Variants in ABCC1 observed in about 807,000 individuals in gnomAD.
ABCC1 encodes the protein ATP binding cassette subfamily C member 1 (ABCC1 blood group).
Under a neutral mutation model 172.9 loss-of-function variants are expected in ABCC1, and 83 were observed. The observed-to-expected ratio is 0.48, with a 90% CI of 0.40 to 0.58. The LOEUF (loss-of-function observed/expected upper bound fraction) is 0.58. Ranked by LOEUF, ABCC1 falls within the 20% of genes least tolerant of loss-of-function variation. The pLI, the probability that ABCC1 is intolerant of heterozygous loss-of-function variation, is 0.00. For missense variants in ABCC1, 1,817 were observed against 2,002.7 expected (o/e 0.91, Z 1.77); for synonymous variants, 937 against 825.2 (o/e 1.14, Z -2.32).
rs1476099956 is a variant in ABCC1 at position 16,016,587 on chromosome 16, G to A, written c.581G>A (p.Arg194His). 10 of 1,614,006 alleles carry A rather than the reference G, an allele frequency of 6.2e-6. No homozygotes were observed. Among genetic ancestry groups the A allele is most frequent in the South Asian group, 1.1e-5 (1 of 91,064 alleles). ...CTCGTCTTGTCCTGTTTCTCAGATC[G>A]CTCACCCCTGTTCTCGGAAACCATC... ...IQLVLSCFSDRSPLFSETIHD... is the reference protein window; with the variant it reads ...IQLVLSCFSDHSPLFSETIHD... The change falls in exon 5 of 31, where the codon CGC becomes CAC. Residue 194 changes from arginine to histidine, a missense_variant. Physicochemically the swap from Arg to His is conservative, Grantham distance 29 (BLOSUM62 0). This residue lies in a region of ABCC1 where 398 missense variants were observed against 384.2 expected (regional missense o/e 1.04). Coordinates refer to ENST00000399410, the MANE Select transcript of ABCC1 (RefSeq NM_004996.4).
chr16:16,009,999 A>G lies in ABCC1; in HGVS notation c.351+98A>G. On this transcript the variant is annotated intron_variant, in intron 3 of 30. Coordinates refer to ENST00000399410, the MANE Select transcript of ABCC1 (RefSeq NM_004996.4). ...GACTAGAATCATAGTTTTTTAAGGC[A>G]ATGATCAGCTGGAGCTGGGATATAA... 8.3e-6 allele frequency: 7 copies of G among 846,774 alleles called. 1 individual carries two copies. The South Asian group carries it at 2.3e-4, about 28-fold the overall frequency. 52.5% of individuals were successfully genotyped at this position (846,774 alleles called of 1,614,324 possible).
chr16:16,087,103 T>A, intron 18 of ABCC1, 112 bp downstream of exon 18: 3 of 1,251,190 alleles, frequency 2.4e-6, no homozygotes, highest in Non-Finnish European at 3.3e-6. Context: ...TGTTTTTAAT[T>A]GGACTTTAAA....
intron 13 of ABCC1, among the ~76,000 whole-genome samples, chr16:16,070,212 A>G (rs2050287266): frequency 6.6e-6 from 1 of 151,366 alleles, no homozygotes; most frequent in Non-Finnish European, 1.5e-5. Context: ...CCCTTAATCT[A>G]CAAAAAATAA....
At chr16:16,124,676 C>T (rs2152119346) in intron 24 of ABCC1, 113 bp from the exon 25 acceptor site, 2 of 1,459,958 alleles carry the variant, frequency 1.4e-6, no homozygotes, top group East Asian at 2.3e-5. Context: ...TCTGGAATTA[C>T]TGCGGAGTTA....
intron 1 of ABCC1, among the ~76,000 whole-genome samples, chr16:15,953,591 C>T (rs762778): frequency 0.13 from 19,912 of 152,072 alleles, 1,387 homozygotes; most frequent in African/African-American, 0.18. Flanking sequence ...TGGCACACAG[C>T]GCTCAGTAAA....
Position 16,122,025 on chromosome 16 carries a change from C to A in ABCC1, c.3441C>A (p.Ser1147Arg). The change falls in exon 24 of 31, where the codon AGC becomes AGA. Residue 1147 changes from serine (S) to arginine (R), a missense_variant. Coordinates refer to ENST00000399410, the MANE Select transcript of ABCC1 (RefSeq NM_004996.4). ...SRQLKRLESVSRSPVYSHFNE... is the reference protein window; with the variant it reads ...SRQLKRLESVRRSPVYSHFNE... Reference sequence around the variant, plus strand: ...AGCTGAAGCGCCTCGAGTCGGTCAGCCGCTCCCCGGTCTATTCCCATTTCA... The same window carrying A: ...AGCTGAAGCGCCTCGAGTCGGTCAGACGCTCCCCGGTCTATTCCCATTTCA... The A allele has an allele frequency of 1.2e-6, 2 of 1,614,206 alleles. No homozygotes were observed. The highest frequency in any genetic ancestry group is 2.2e-5 in the South Asian group (2 of 91,088).
At chr16:16,134,317 T>C in intron 27 of ABCC1, 33 bp from the exon 28 acceptor site, 1 of 1,612,008 alleles carries the variant, frequency 6.2e-7, no homozygotes, top group Non-Finnish European at 8.5e-7. Flanking sequence ...GATGCCAGCA[T>C]TCCCACCACA....
At chr16:16,091,583 G>C (rs2051259459) in intron 19 of ABCC1, among the ~76,000 whole-genome samples, 1 of 152,150 alleles carries the variant, frequency 6.6e-6, no homozygotes, top group South Asian at 2.1e-4. Context: ...GAAGATCTGG[G>C]AAGTGTTGTG....
intron 2 of ABCC1, among the ~76,000 whole-genome samples, chr16:16,008,876 T>C (rs1425214792): frequency 6.8e-6 from 1 of 147,878 alleles, no homozygotes; most frequent in African/African-American, 2.5e-5. Context: ...GTTGCGATGA[T>C]ACCAGGAACT....
chr16:15,982,506 A>G (rs2151590359), intron 1 of ABCC1, among the ~76,000 whole-genome samples: 1 of 152,174 alleles, frequency 6.6e-6, no homozygotes, highest in Admixed American at 6.5e-5. Context: ...CACTGTCACA[A>G]GAACAGCATG....
chr16:16,082,577 A>G (rs1421218590), intron 16 of ABCC1, among the ~76,000 whole-genome samples: 3 of 152,132 alleles, frequency 2.0e-5, no homozygotes, highest in Admixed American at 6.5e-5. Context: ...TTGATATAGG[A>G]GTCTTTGCTT....
rs566883843 is a variant in ABCC1, at chr16:16,083,275, G to A, written c.2116-91G>A. ...TGATGAAAATGACTTGTGAAGTGAG[G>A]CCCTCCTAGCAGGCGGGTGGGCCAG... On this transcript the variant is annotated intron_variant, in intron 16 of 30. Transcript: ENST00000399410. The A allele has an allele frequency of 2.2e-4, 286 of 1,287,430 alleles. 3 individuals are homozygous for A. In the South Asian group the frequency reaches 3.7e-3, roughly 17 times the overall value. 79.8% of individuals were successfully genotyped at this position (1,287,430 alleles called of 1,614,324 possible).
intron 1 of ABCC1, among the ~76,000 whole-genome samples, chr16:15,980,057 A>G (rs1207708982): frequency 1.3e-5 from 2 of 152,026 alleles, no homozygotes; most frequent in African/African-American, 2.4e-5. Context: ...AAAATAACAT[A>G]TAAAATAAAC....
intron 1 of ABCC1, among the ~76,000 whole-genome samples, chr16:16,002,553 G>A (rs1404829885): frequency 6.6e-6 from 1 of 152,120 alleles, no homozygotes; most frequent in African/African-American, 2.4e-5. Flanking sequence ...CGAGTGGATC[G>A]CTTGAGCTCA....
intron 19 of ABCC1, among the ~76,000 whole-genome samples, chr16:16,100,955 C>T (rs957490101): frequency 1.3e-5 from 2 of 152,126 alleles, no homozygotes; most frequent in Middle Eastern, 3.2e-3. Context: ...GACACGAGGG[C>T]ACCTGCTCAG....
chr16:16,076,304 G>C (rs778975490), intron 14 of ABCC1, 22 bp from the exon 15 acceptor site: 2 of 1,611,728 alleles, frequency 1.2e-6, no homozygotes, highest in Non-Finnish European at 8.5e-7. Context: ...GCCTGTCCCT[G>C]ACATGTCTCT....
intron 1 of ABCC1, among the ~76,000 whole-genome samples, chr16:15,978,927 T>C (rs2046554949): frequency 6.6e-6 from 1 of 152,130 alleles, no homozygotes; most frequent in Non-Finnish European, 1.5e-5. Flanking sequence ...TCAGTAGTGT[T>C]GAGGGTGAGA....
intron 1 of ABCC1, among the ~76,000 whole-genome samples, chr16:15,963,538 C>T (rs2046182027): frequency 6.6e-6 from 1 of 152,150 alleles, no homozygotes; most frequent in Non-Finnish European, 1.5e-5. Flanking sequence ...CATTTGCATA[C>T]ATCCTCTGAA....
intron 20 of ABCC1, among the ~76,000 whole-genome samples, chr16:16,102,921 A>C (rs1185124729): frequency 6.6e-6 from 1 of 152,186 alleles, no homozygotes; most frequent in Non-Finnish European, 1.5e-5. Flanking sequence ...CAGGTGGCAC[A>C]ACTCACACAG....
Sources: allele counts gnomAD v4.1 joint callset (sites outside exome capture counted in the v4.1 genomes callset), GRCh38; gene constraint gnomAD v4.1.1; regional missense constraint gnomAD v4.1.1; transcripts MANE v1.5; gene names NCBI Gene and HGNC (gene_info 2026-07-23, HGNC 2026-07-21).